Variants in EBF2 observed in about 807,000 individuals in gnomAD.
The protein encoded by EBF2 is EBF transcription factor 2, also known as transcription factor COE2.
A neutral mutation model predicts 72.8 loss-of-function variants in EBF2; 21 were observed. That is an observed-to-expected ratio of 0.29 (90% CI 0.20 to 0.42). The LOEUF (loss-of-function observed/expected upper bound fraction) is 0.42. EBF2 is among the 10% of genes least tolerant of loss of function. The pLI is 1.00. For missense variants in EBF2, 637 were observed against 731.2 expected (o/e 0.87, Z 1.49); for synonymous variants, 299 against 274.2 (o/e 1.09, Z -0.89).
intron 6 of EBF2, among the ~76,000 whole-genome samples, chr8:25,960,612 A>C (rs1413618783): frequency 6.6e-6 from 1 of 152,146 alleles, no homozygotes; most frequent in Non-Finnish European, 1.5e-5. Flanking sequence ...CTGGGGGCAC[A>C]TGTAGATGCG....
rs184528151 is a variant in EBF2, at chr8:25,867,916, T to C, written c.1010-5119A>G. Among the ~76,000 whole-genome samples, 11 of 152,348 alleles carry C rather than the reference T, an allele frequency of 7.2e-5. No homozygotes were observed. The East Asian group carries it at 2.1e-3, about 29-fold the overall frequency. ...GAAAAAATCATCCATTTCATCAAGA[T>C]TGTTAATGTTTTAGCATAGAATCTA... On this transcript the variant is annotated intron_variant, in intron 10 of 15. Coordinates refer to ENST00000520164, the MANE Select transcript of EBF2 (RefSeq NM_022659.4).
intron 6 of EBF2, among the ~76,000 whole-genome samples, chr8:25,980,069 GC>G (rs1411580229): frequency 6.6e-6 from 1 of 152,146 alleles, no homozygotes; most frequent in Non-Finnish European, 1.5e-5. Context: ...TTGCACTGTA[GC>G]TGTCAAATTC....
At chr8:25,879,141 T>C (rs1230564993) in intron 10 of EBF2, among the ~76,000 whole-genome samples, 1 of 152,220 alleles carries the variant, frequency 6.6e-6, no homozygotes, top group Non-Finnish European at 1.5e-5. Flanking sequence ...TTTGTAAAAC[T>C]ACTCATTTTT....
At chr8:26,008,042 ACT>A (rs1268611546) in intron 6 of EBF2, among the ~76,000 whole-genome samples, 1 of 151,850 alleles carries the variant, frequency 6.6e-6, no homozygotes, top group African/African-American at 2.4e-5. Flanking sequence ...CACTTGGGAG[ACT>A]CTGTCCCCAG....
At chr8:25,943,114 C>T (rs974702689) in intron 6 of EBF2, among the ~76,000 whole-genome samples, 2 of 151,972 alleles carry the variant, frequency 1.3e-5, no homozygotes, top group Non-Finnish European at 1.5e-5. Context: ...CTTGTTTCTC[C>T]TATGGAACAA....
At chr8:25,898,180 C>G (rs369065312) in intron 7 of EBF2, among the ~76,000 whole-genome samples, 9 of 152,114 alleles carry the variant, frequency 5.9e-5, no homozygotes, top group Non-Finnish European at 1.0e-4. Context: ...AGGGGCCCAA[C>G]GCTGGGAAGA....
At chr8:25,853,466 GGTAAAAAGAT>G (rs1274223978) in intron 14 of EBF2, among the ~76,000 whole-genome samples, 3 of 151,144 alleles carry the variant, frequency 2.0e-5, no homozygotes, top group African/African-American at 7.3e-5. Context: ...TAATTAAAAC[GGTAAAAAGAT>G]CTTATTTTCC....
intron 6 of EBF2, among the ~76,000 whole-genome samples, chr8:25,986,398 C>T (rs537942282): frequency 9.9e-5 from 15 of 152,260 alleles, no homozygotes; most frequent in South Asian, 2.1e-4. Context: ...ACATGACTTT[C>T]GAATTGCTGT....
At chr8:25,910,510 C>T (rs1344283216) in intron 6 of EBF2, among the ~76,000 whole-genome samples, 1 of 152,148 alleles carries the variant, frequency 6.6e-6, no homozygotes, top group Non-Finnish European at 1.5e-5. Context: ...CCCCCACTCC[C>T]CGCTCCAAAA....
At chr8:25,858,105 C>T (rs1244128616) in intron 14 of EBF2, 1 of 693,358 alleles carries the variant, frequency 1.4e-6, no homozygotes, top group Non-Finnish European at 2.6e-6. Context: ...TTGTTTCAAT[C>T]CTTTTCTTTC....
chr8:25,999,529 T>G (rs1375152169), intron 6 of EBF2, among the ~76,000 whole-genome samples: 3 of 152,134 alleles, frequency 2.0e-5, no homozygotes, highest in African/African-American at 7.2e-5. Flanking sequence ...TTTCTTTTCT[T>G]CCCTCCGCAA....
At position 26,000,185 on chromosome 8, in the gene EBF2, C is replaced by A. The variant is rs114453457; in HGVS notation, c.551+32900G>T. On this transcript the variant is annotated intron_variant, in intron 6 of 15. Transcript: ENST00000520164. The stretch of plus-strand genomic sequence containing the variant: ...CCTCACACAGGGGAATTGGGAGAGA[C>A]CCAGCCTTCTGTTTGGCTTTATGTT... 3.7e-3 allele frequency among the ~76,000 whole-genome samples: 570 copies of A among 152,230 alleles called. 6 individuals are homozygous for A. Among genetic ancestry groups the A allele is most frequent in the African/African-American group, 0.013 (542 of 41,536 alleles).
At chr8:25,863,288 C>T (rs544698698) in intron 10 of EBF2, among the ~76,000 whole-genome samples, 31 of 152,072 alleles carry the variant, frequency 2.0e-4, no homozygotes, top group African/African-American at 6.7e-4. Flanking sequence ...ATGCATAATA[C>T]GCTTCCACAA....
intron 6 of EBF2, among the ~76,000 whole-genome samples, chr8:25,915,797 A>ATAAATG (rs1474846953): frequency 3.9e-5 from 6 of 152,162 alleles, no homozygotes; most frequent in African/African-American, 1.4e-4. Context: ...CCCAAGGGAC[A>ATAAATG]GAGCAGGATC....
At chr8:26,016,342 T>G (rs1355936726) in intron 6 of EBF2, among the ~76,000 whole-genome samples, 4 of 152,356 alleles carry the variant, frequency 2.6e-5, no homozygotes, top group African/African-American at 9.6e-5. Context: ...AAGTTAATTC[T>G]TCTAACTCAG....
chr8:25,922,980 G>A (rs1012207883), intron 6 of EBF2, among the ~76,000 whole-genome samples: 18 of 151,784 alleles, frequency 1.2e-4, no homozygotes, highest in African/African-American at 4.1e-4. Context: ...TTCATCCGTT[G>A]GAGAATCAGC....
chr8:26,029,822 G>T (rs770982219), intron 6 of EBF2, among the ~76,000 whole-genome samples: 2 of 152,186 alleles, frequency 1.3e-5, no homozygotes, highest in Non-Finnish European at 2.9e-5. Context: ...GCAGATGGAC[G>T]CAGAGACCAG....
chr8:25,885,957 C>T (rs1802683547), intron 10 of EBF2, among the ~76,000 whole-genome samples: 1 of 152,154 alleles, frequency 6.6e-6, no homozygotes, highest in African/African-American at 2.4e-5. Context: ...TTTGGTCCTG[C>T]AGGAATGTGC....
intron 6 of EBF2, among the ~76,000 whole-genome samples, chr8:25,990,816 C>G (rs1330217106): frequency 2.6e-5 from 4 of 152,236 alleles, no homozygotes; most frequent in Non-Finnish European, 5.9e-5. Context: ...TCTTTCAGCT[C>G]TTCTGTGTAT....
Sources: gnomAD v4.1 joint callset for allele counts (sites outside exome capture counted in the v4.1 genomes callset) on GRCh38, gnomAD v4.1.1 for gene constraint, MANE v1.5 for transcripts, NCBI Gene and HGNC (gene_info 2026-07-23, HGNC 2026-07-21) for gene names.